The following SPAG16 variants were observed in gnomAD, a reference collection of about 807,000 sequenced individuals.
SPAG16 encodes sperm-associated antigen 16 protein.
SPAG16 carries 86 observed loss-of-function variants against 80.4 expected under a neutral mutation model. The ratio of observed to expected loss-of-function variants is 1.07; its 90% CI spans 0.90 to 1.28. SPAG16 has a LOEUF of 1.28. Among genes scored for constraint, SPAG16 ranks in the 50% most tolerant of loss-of-function variants. SPAG16 has a pLI of 0.00. For synonymous variants in SPAG16, 294 were observed against 265.9 expected (o/e 1.11, Z -1.03); for missense variants, 870 against 765.3 (o/e 1.14, Z -1.61).
At chr2:214,195,545 CTT>C (rs1200521260) in intron 15 of SPAG16, among the ~76,000 whole-genome samples, 1 of 151,944 alleles carries the variant, frequency 6.6e-6, no homozygotes, top group African/African-American at 2.4e-5. Context: ...TTAGAACAAA[CTT>C]TGCGCATAAA....
intron 15 of SPAG16, among the ~76,000 whole-genome samples, chr2:214,365,735 C>T (rs926121588): frequency 6.6e-6 from 1 of 152,024 alleles, no homozygotes; most frequent in African/African-American, 2.4e-5. Context: ...CATTCAAAAA[C>T]AGGGTTGTAG....
chr2:213,485,082 C>T (rs1358134940), intron 9 of SPAG16, among the ~76,000 whole-genome samples: 2 of 151,286 alleles, frequency 1.3e-5, no homozygotes, highest in African/African-American at 4.9e-5. Flanking sequence ...GCAACCTTCG[C>T]CTCCTGGGCT....
chr2:213,885,723 A>G (rs1036382125), intron 11 of SPAG16, among the ~76,000 whole-genome samples: 8 of 152,182 alleles, frequency 5.3e-5, no homozygotes, highest in Non-Finnish European at 1.0e-4. Flanking sequence ...GTACCCTTCC[A>G]TCATTTACAA....
At chr2:214,230,924 TCTCAAAG>T (rs1688651436) in intron 15 of SPAG16, among the ~76,000 whole-genome samples, 1 of 151,936 alleles carries the variant, frequency 6.6e-6, no homozygotes, top group East Asian at 1.9e-4. Flanking sequence ...CTATCTTGGG[TCTCAAAG>T]CTGTTGGGGA....
intron 11 of SPAG16, among the ~76,000 whole-genome samples, chr2:213,903,632 G>T (rs1454385639): frequency 1.3e-5 from 2 of 152,114 alleles, no homozygotes; most frequent in Non-Finnish European, 2.9e-5. Flanking sequence ...GACATGCCCT[G>T]GACATATTGT....
intron 15 of SPAG16, among the ~76,000 whole-genome samples, chr2:214,315,680 C>A (rs537053005): frequency 6.6e-6 from 1 of 151,996 alleles, no homozygotes; most frequent in Non-Finnish European, 1.5e-5. Flanking sequence ...TACAGGCGTG[C>A]GCCATCATGC....
chr2:213,510,395 T>C (rs1256152759), intron 10 of SPAG16, among the ~76,000 whole-genome samples: 2 of 152,128 alleles, frequency 1.3e-5, no homozygotes, highest in African/African-American at 4.8e-5. Context: ...ACATTTTTTT[T>C]ATTATTTTAT....
chr2:213,949,178 T>TTTTTTTTTTGTTTTG (rs2079607199), intron 12 of SPAG16, among the ~76,000 whole-genome samples: 1 of 19,152 alleles, frequency 5.2e-5, no homozygotes, highest in Non-Finnish European at 1.6e-4. Context: ...AGTTTTTTTT[T>TTTTTTTTTTGTTTTG]TTTTTTTTTT....
intron 12 of SPAG16, among the ~76,000 whole-genome samples, chr2:213,980,871 T>A (rs913271629): frequency 6.6e-6 from 1 of 151,004 alleles, no homozygotes; most frequent in Non-Finnish European, 1.5e-5. Context: ...ATCACACCAC[T>A]GCACTACAGT....
At chr2:214,366,122 G>A (rs1025757122) in intron 15 of SPAG16, among the ~76,000 whole-genome samples, 29 of 152,024 alleles carry the variant, frequency 1.9e-4, no homozygotes, top group Admixed American at 4.6e-4. Context: ...GGGACTACAG[G>A]TATGCATCAC....
At chr2:213,554,498 A>G (rs1340908052) in intron 10 of SPAG16, among the ~76,000 whole-genome samples, 1 of 152,194 alleles carries the variant, frequency 6.6e-6, no homozygotes, top group Non-Finnish European at 1.5e-5. Flanking sequence ...AAAGAACACC[A>G]TGATCACCCA....
At chr2:213,724,703 G>A (rs531953301) in intron 10 of SPAG16, among the ~76,000 whole-genome samples, 16 of 137,294 alleles carry the variant, frequency 1.2e-4, no homozygotes, top group African/African-American at 2.9e-4. Flanking sequence ...GCTTGAACTC[G>A]GCAATGGAGG....
intron 13 of SPAG16, among the ~76,000 whole-genome samples, chr2:214,066,817 A>C (rs1006147432): frequency 1.3e-5 from 2 of 152,210 alleles, no homozygotes; most frequent in Non-Finnish European, 2.9e-5. Flanking sequence ...TTTACTGGAA[A>C]AGGGAAATAG....
intron 10 of SPAG16, among the ~76,000 whole-genome samples, chr2:213,563,421 T>C (rs1333484032): frequency 2.0e-5 from 3 of 152,234 alleles, no homozygotes; most frequent in Non-Finnish European, 2.9e-5. Context: ...ATAACAGACA[T>C]TAATTTTCTC....
At chr2:213,615,059 TC>T (rs2061549149) in intron 10 of SPAG16, among the ~76,000 whole-genome samples, 1 of 152,222 alleles carries the variant, frequency 6.6e-6, no homozygotes, top group South Asian at 2.1e-4. Context: ...TCTGAGAGTC[TC>T]AGAGTGGTTA....
In SPAG16 at chr2:213,317,375, G is replaced by T. The variant is rs749871184; in HGVS notation, c.536+19G>T. On this transcript the variant is annotated intron_variant, in intron 5 of 15. Coordinates refer to ENST00000331683, the MANE Select transcript of SPAG16 (RefSeq NM_024532.5). ...CAGCTGAGTATGTTATTTTTTAAAT[G>T]ACATTTTCTTCTTTTTCTTTTGGAC... 6.3e-7 allele frequency: 1 copy of T among 1,597,490 alleles called. No individual in the cohort carries two copies. Among genetic ancestry groups the T allele is most frequent in the Non-Finnish European group, 8.5e-7 (1 of 1,173,352 alleles).
intron 10 of SPAG16, among the ~76,000 whole-genome samples, chr2:213,815,629 G>A (rs546106505): frequency 6.6e-6 from 1 of 151,748 alleles, no homozygotes; most frequent in Non-Finnish European, 1.5e-5. Flanking sequence ...AGGGCCAAAG[G>A]GTATCCCTTT....
intron 10 of SPAG16, among the ~76,000 whole-genome samples, chr2:213,711,673 C>T (rs2065994159): frequency 1.3e-5 from 2 of 151,932 alleles, no homozygotes; most frequent in Admixed American, 6.6e-5. Flanking sequence ...GTGTGCACCA[C>T]CACACCCAGC....
chr2:213,323,103 C>T (rs745875329), intron 5 of SPAG16, among the ~76,000 whole-genome samples: 12 of 152,186 alleles, frequency 7.9e-5, no homozygotes, highest in Admixed American at 3.3e-4. Context: ...CAAAAGTAAA[C>T]GAGAAATCAC....
Sources: gnomAD v4.1 joint callset for allele counts (sites outside exome capture counted in the v4.1 genomes callset) on GRCh38, gnomAD v4.1.1 for gene constraint, MANE v1.5 for transcripts, NCBI Gene and HGNC (gene_info 2026-07-23, HGNC 2026-07-21) for gene names.